TM9SF3: variants seen among roughly 807,000 people sequenced by gnomAD.
TM9SF3 encodes SM-11044-binding protein.
A neutral mutation model predicts 78.6 loss-of-function variants in TM9SF3; 14 were observed. The observed-to-expected ratio is 0.18, with a 90% confidence interval of 0.12 to 0.28. The LOEUF is 0.28. Among genes scored for constraint, TM9SF3 ranks in the 10% least tolerant of loss-of-function variants. The pLI is 1.00. For missense variants in TM9SF3, 496 were observed against 721.9 expected (o/e 0.69, Z 3.59); for synonymous variants, 231 against 241.7 (o/e 0.96, Z 0.41).
intron 1 of TM9SF3, among the ~76,000 whole-genome samples, chr10:96,579,934 A>C (rs1175646717): frequency 6.6e-6 from 1 of 152,244 alleles, no homozygotes; most frequent in African/African-American, 2.4e-5. Context: ...GGAGAAAACA[A>C]AACAAACAAA....
At chr10:96,542,703 C>T (rs568873627) in intron 9 of TM9SF3, among the ~76,000 whole-genome samples, 1 of 151,864 alleles carries the variant, frequency 6.6e-6, no homozygotes, top group Admixed American at 6.6e-5. Context: ...TGGCCTGGAA[C>T]TATTACAAAG....
chr10:96,567,569 C>T (rs1357070226), intron 2 of TM9SF3, among the ~76,000 whole-genome samples: 1 of 152,104 alleles, frequency 6.6e-6, no homozygotes, highest in Non-Finnish European at 1.5e-5. Flanking sequence ...AGTCTAAAAT[C>T]CTCACCATCC....
chr10:96,570,363 G>C (rs1848425844), intron 2 of TM9SF3, among the ~76,000 whole-genome samples: 1 of 151,952 alleles, frequency 6.6e-6, no homozygotes, highest in Admixed American at 6.6e-5. Flanking sequence ...TTATATCCAG[G>C]TTTATATTTT....
intron 2 of TM9SF3, among the ~76,000 whole-genome samples, chr10:96,573,124 G>A (rs1447821554): frequency 6.6e-6 from 1 of 152,146 alleles, no homozygotes; most frequent in East Asian, 1.9e-4. Flanking sequence ...GCCTTCAGAA[G>A]AATCTTTAAA....
chr10:96,523,543 G>C (rs900876455), intron 14 of TM9SF3, among the ~76,000 whole-genome samples: 3 of 151,772 alleles, frequency 2.0e-5, no homozygotes, highest in Non-Finnish European at 4.4e-5. Context: ...ATTTGAGCTA[G>C]GCAATAACTA....
At chr10:96,526,799 T>C (rs1847842768) in intron 14 of TM9SF3, among the ~76,000 whole-genome samples, 1 of 152,136 alleles carries the variant, frequency 6.6e-6, no homozygotes, top group Non-Finnish European at 1.5e-5. Context: ...ACAGGAATCA[T>C]TCAGGCAACA....
chr10:96,528,276 C>T, intron 11 of TM9SF3, 99 bp from the exon 12 acceptor site: 2 of 1,240,218 alleles, frequency 1.6e-6, no homozygotes, highest in Non-Finnish European at 2.2e-6. Flanking sequence ...TTTTTTCTCA[C>T]TTAATGACTT....
chr10:96,552,509 A>G (rs1224940786), intron 6 of TM9SF3, among the ~76,000 whole-genome samples: 1 of 152,194 alleles, frequency 6.6e-6, no homozygotes, highest in South Asian at 2.1e-4. Flanking sequence ...TATGTAACAC[A>G]CTTTTTGTTC....
Position 96,530,017 on chromosome 10 carries a change from A to G in TM9SF3, c.1394+523T>C, listed in dbSNP as rs541508046. 4.6e-5 allele frequency among the ~76,000 whole-genome samples: 7 copies of G among 152,334 alleles called. No individual in the cohort carries two copies. The South Asian group carries it at 1.4e-3, about 32-fold the overall frequency. On this transcript the variant is annotated intron_variant, in intron 11 of 14. Transcript: ENST00000371142. ...TCTTTTTTATTTTGCAATGGTGACA[A>G]AGGATGCAGATGTAAAGCACAGTAA...
chr10:96,562,328 A>C (rs1422949498), intron 3 of TM9SF3, among the ~76,000 whole-genome samples, 190 bp from the exon 4 acceptor site: 1 of 151,458 alleles, frequency 6.6e-6, no homozygotes, highest in East Asian at 1.9e-4. Flanking sequence ...CCAGAAGCCA[A>C]GCAGATGCCG....
At chr10:96,525,431 G>A (rs534070770) in intron 14 of TM9SF3, among the ~76,000 whole-genome samples, 12 of 151,926 alleles carry the variant, frequency 7.9e-5, no homozygotes, top group South Asian at 4.2e-4. Context: ...ACTACTTTAC[G>A]GACAATCTCA....
chr10:96,540,617 C>CT (rs879853876), intron 9 of TM9SF3, among the ~76,000 whole-genome samples: 3,517 of 140,472 alleles, frequency 0.025, 99 homozygotes, highest in African/African-American at 0.076. Flanking sequence ...TAGAGCCATT[C>CT]TTTTTTTTTT....
At chr10:96,556,063 A>G (rs146664712) in intron 5 of TM9SF3, among the ~76,000 whole-genome samples, 84 of 152,312 alleles carry the variant, frequency 5.5e-4, no homozygotes, top group African/African-American at 1.9e-3. Context: ...GAAATTTTGT[A>G]ATATTCCTTT....
intron 9 of TM9SF3, among the ~76,000 whole-genome samples, chr10:96,537,135 G>T (rs1258168726): frequency 6.6e-6 from 1 of 152,160 alleles, no homozygotes; most frequent in East Asian, 1.9e-4. Flanking sequence ...GGGGGTAGGG[G>T]TCAGCACCCC....
rs1205773322 is a variant in TM9SF3 at position 96,586,895 on chromosome 10, T to G, written c.-60A>C. ...GACTCCTCCTCCCGCCGCCGCCTCC[T>G]CCGCCGCCGCCGCCTCCGCCGCGGC... On this transcript the variant is annotated 5_prime_UTR_variant, in exon 1 of 15. Coordinates refer to ENST00000371142, the MANE Select transcript of TM9SF3 (RefSeq NM_020123.4). 2.1e-5 allele frequency: 24 copies of G among 1,140,218 alleles called. No individual in the cohort carries two copies. The highest frequency in any genetic ancestry group is 4.8e-5 in the Admixed American group (1 of 21,040). The allele number at this position is 1,140,218 out of a possible 1,614,324, so 70.6% of individuals were successfully genotyped here. A position where few individuals can be genotyped will look rare whatever the true frequency, so the allele number is the denominator to read the frequency against.
At chr10:96,586,617 C>T in intron 1 of TM9SF3, 117 bp downstream of exon 1, 1 of 867,392 alleles carries the variant, frequency 1.2e-6, no homozygotes, top group African/African-American at 1.8e-5. Flanking sequence ...CGGAAGGAGT[C>T]CTCGGGCCGC....
intron 2 of TM9SF3, among the ~76,000 whole-genome samples, chr10:96,572,394 A>C (rs1049350857): frequency 1.3e-5 from 2 of 151,976 alleles, no homozygotes; most frequent in African/African-American, 2.4e-5. Flanking sequence ...TCTGACCCTA[A>C]AGCACATCTT....
In TM9SF3 at chr10:96,533,072, C is replaced by T. The variant is rs762042642; in HGVS notation, c.1304G>A (p.Arg435His). The T allele has an allele frequency of 1.2e-5, 19 of 1,613,894 alleles. 1 individual carries two copies. The South Asian group carries it at 1.3e-4, about 11-fold the overall frequency. Residue 435 changes from arginine (R) to histidine (H), a missense_variant, in exon 10 of 15, where the codon CGT (arginine) becomes CAT (histidine). Coordinates refer to ENST00000371142, the MANE Select transcript of TM9SF3 (RefSeq NM_020123.4). ...NFPCRVNAVPRPIPEKKWFME... is the reference protein window; with the variant it reads ...NFPCRVNAVPHPIPEKKWFME... ...TTACCATTTTTTCTCCGGTATAGGA[C>T]GAGGCACAGCATTGACACGACAAGG...
intron 2 of TM9SF3, among the ~76,000 whole-genome samples, chr10:96,571,753 A>G (rs993509893): frequency 1.3e-5 from 2 of 152,262 alleles, no homozygotes; most frequent in African/African-American, 4.8e-5. Flanking sequence ...AAATTCAAGG[A>G]AGAAAAAAAT....
Sources: allele counts gnomAD v4.1 joint callset (sites outside exome capture counted in the v4.1 genomes callset), GRCh38; gene constraint gnomAD v4.1.1; transcripts MANE v1.5; gene names NCBI Gene and HGNC (gene_info 2026-07-23, HGNC 2026-07-21).